The following ME1 variants were observed in gnomAD, a reference collection of about 807,000 sequenced individuals.
ME1 encodes the protein malic enzyme 1, also known as NADP-dependent malic enzyme.
A neutral mutation model predicts 66.4 loss-of-function variants in ME1; 74 were observed. The observed-to-expected ratio is 1.11, with a 90% confidence interval of 0.92 to 1.35. The LOEUF (loss-of-function observed/expected upper bound fraction) is 1.35, where lower values mean the gene tolerates loss of function less well. ME1 is among the 40% of genes most tolerant of loss of function. ME1 has a pLI of 0.00. For missense variants in ME1, 750 were observed against 694.1 expected (o/e 1.08, Z -0.90); for synonymous variants, 251 against 235.6 (o/e 1.07, Z -0.60).
chr6:83,331,508 C>T (rs566977235), intron 5 of ME1, among the ~76,000 whole-genome samples: 2 of 151,740 alleles, frequency 1.3e-5, no homozygotes, highest in Non-Finnish European at 2.9e-5. Flanking sequence ...ATTGCTTGAA[C>T]CCGGGAGGCG....
At chr6:83,423,819 A>C (rs1296039672) in intron 1 of ME1, among the ~76,000 whole-genome samples, 1 of 152,016 alleles carries the variant, frequency 6.6e-6, no homozygotes, top group African/African-American at 2.4e-5. Context: ...AATAAATAAA[A>C]TAAAAATAAA....
chr6:83,422,513 A>G (rs1421643394), intron 1 of ME1, among the ~76,000 whole-genome samples: 1 of 152,220 alleles, frequency 6.6e-6, no homozygotes, highest in Non-Finnish European at 1.5e-5. Context: ...GCAAACACCA[A>G]TCCTGAGGTG....
intron 4 of ME1, among the ~76,000 whole-genome samples, chr6:83,350,550 T>G (rs1376527711): frequency 2.0e-5 from 3 of 152,090 alleles, no homozygotes; most frequent in Non-Finnish European, 4.4e-5. Context: ...ATTGCAGAAT[T>G]GAACTCCTGA....
chr6:83,233,706 T>C (rs533321883), intron 9 of ME1, among the ~76,000 whole-genome samples: 2 of 151,744 alleles, frequency 1.3e-5, no homozygotes, highest in East Asian at 3.9e-4. Flanking sequence ...TTATAAACAA[T>C]TATATTATAA....
At chr6:83,231,671 A>C (rs1049129141) in intron 9 of ME1, among the ~76,000 whole-genome samples, 3 of 152,220 alleles carry the variant, frequency 2.0e-5, no homozygotes, top group African/African-American at 7.2e-5. Flanking sequence ...TTTGGAATAC[A>C]TATTCGTTAT....
intron 6 of ME1, among the ~76,000 whole-genome samples, chr6:83,262,984 T>C (rs1766925384): frequency 6.6e-6 from 1 of 152,222 alleles, no homozygotes; most frequent in Admixed American, 6.5e-5. Flanking sequence ...AATTGAAGAT[T>C]TGTGACAACC....
At chr6:83,364,336 C>CA (rs1443196217) in intron 3 of ME1, among the ~76,000 whole-genome samples, 2 of 152,148 alleles carry the variant, frequency 1.3e-5, no homozygotes, top group African/African-American at 4.8e-5. Context: ...CCTCAGCCTG[C>CA]AGACAGCCTA....
At chr6:83,381,071 T>G (rs1387886593) in intron 3 of ME1, among the ~76,000 whole-genome samples, 33 of 152,076 alleles carry the variant, frequency 2.2e-4, no homozygotes, top group Non-Finnish European at 7.4e-5. Context: ...TTTACATTCT[T>G]GTAACTGCAA....
intron 12 of ME1, among the ~76,000 whole-genome samples, chr6:83,219,993 T>G (rs1193509083): frequency 1.3e-5 from 2 of 152,188 alleles, no homozygotes; most frequent in African/African-American, 4.8e-5. Flanking sequence ...GATTGTTAGC[T>G]ATTTGATTTG....
rs1340564806 is a variant in ME1, at chr6:83,243,605, TACATTATATC to T, written c.815-3979_815-3970del. On this transcript the variant is annotated intron_variant, in intron 7 of 13. Transcript: ENST00000369705. ...TTATATCGATATAATCTATTATAAT[TACATTATATC>T]GATATAATCTATTATAATTACATTA... Among the ~76,000 whole-genome samples the T allele has an allele frequency of 2.9e-4, 27 of 91,554 alleles. 1 individual carries two copies. The East Asian group carries it at 7.0e-3, about 24-fold the overall frequency. The allele number at this position is 91,554 out of a possible 152,430, so 60.1% of individuals were successfully genotyped here.
chr6:83,394,576 C>G (rs1769693134), intron 3 of ME1, among the ~76,000 whole-genome samples: 1 of 152,156 alleles, frequency 6.6e-6, no homozygotes, highest in African/African-American at 2.4e-5. Flanking sequence ...ATAAATATTA[C>G]CACTATATCA....
chr6:83,242,392 A>C (rs959068291), intron 7 of ME1, among the ~76,000 whole-genome samples: 1 of 152,212 alleles, frequency 6.6e-6, no homozygotes, highest in African/African-American at 2.4e-5. Flanking sequence ...GTAGATCAAT[A>C]TGTAATCAAA....
chr6:83,378,265 T>C (rs1462703708), intron 3 of ME1, among the ~76,000 whole-genome samples: 1 of 152,100 alleles, frequency 6.6e-6, no homozygotes, highest in Non-Finnish European at 1.5e-5. Context: ...TAAAATAGTA[T>C]ATAGGCAAAG....
chr6:83,400,193 T>G (rs529036858), intron 2 of ME1, among the ~76,000 whole-genome samples: 186 of 152,232 alleles, frequency 1.2e-3, no homozygotes, highest in African/African-American at 4.4e-3. Flanking sequence ...AGTGCTGGAG[T>G]TGGGTCCTGG....
chr6:83,357,961 A>C (rs1205087363), intron 3 of ME1, among the ~76,000 whole-genome samples: 45 of 121,414 alleles, frequency 3.7e-4, no homozygotes, highest in African/African-American at 1.1e-3. Flanking sequence ...ATATATATAT[A>C]TATATATATA....
chr6:83,213,065 C>T (rs1249184661), intron 13 of ME1, among the ~76,000 whole-genome samples: 1 of 141,026 alleles, frequency 7.1e-6, no homozygotes, highest in Non-Finnish European at 1.5e-5. Flanking sequence ...TGGAGTCTTA[C>T]TCTGTCACCC....
At chr6:83,255,626 T>C (rs1766751144) in intron 6 of ME1, among the ~76,000 whole-genome samples, 1 of 152,142 alleles carries the variant, frequency 6.6e-6, no homozygotes, top group African/African-American at 2.4e-5. Context: ...AAATTTCTGT[T>C]TTCTATATAA....
At position 83,393,436 on chromosome 6, in the gene ME1, C is replaced by G. The variant is rs1769668105; in HGVS notation, c.362+4931G>C. ...ACCCCCAGACCACCAGCCCCAGCGA[C>G]AGCACGACGGGAAGAGAGCGGCCCT... On this transcript the variant is annotated intron_variant, in intron 3 of 13. Transcript: ENST00000369705. 15 of 601,062 alleles carry G rather than the reference C, an allele frequency of 2.5e-5. 1 individual carries two copies. The South Asian group carries it at 2.7e-4, about 11-fold the overall frequency. 37.2% of individuals were successfully genotyped at this position (601,062 alleles called of 1,614,324 possible).
intron 6 of ME1, among the ~76,000 whole-genome samples, chr6:83,259,155 A>C (rs1044570607): frequency 6.6e-6 from 1 of 152,152 alleles, no homozygotes; most frequent in Non-Finnish European, 1.5e-5. Flanking sequence ...TACATATGGA[A>C]CATTCAAGAT....
Sources: allele counts gnomAD v4.1 joint callset (sites outside exome capture counted in the v4.1 genomes callset), GRCh38; gene constraint gnomAD v4.1.1; transcripts MANE v1.5; gene names NCBI Gene and HGNC (gene_info 2026-07-23, HGNC 2026-07-21).